Variants in LUZP2 observed in about 807,000 individuals in gnomAD.
LUZP2 encodes the protein leucine zipper protein 2.
Under a neutral mutation model 51.6 loss-of-function variants are expected in LUZP2, and 52 were observed. That is an observed-to-expected ratio of 1.01 (90% CI 0.81 to 1.27). The LOEUF is 1.27. Among genes scored for constraint, LUZP2 ranks in the 50% most tolerant of loss-of-function variants. LUZP2 has a pLI of 0.00. For missense variants in LUZP2, 436 were observed against 395.4 expected, an observed-to-expected ratio of 1.10 and a Z score of -0.87; for synonymous variants, 154 against 137.3, an observed-to-expected ratio of 1.12 and a Z score of -0.85.
intron 1 of LUZP2, among the ~76,000 whole-genome samples, chr11:24,524,916 C>A (rs1289292322): frequency 6.6e-6 from 1 of 151,504 alleles, no homozygotes; most frequent in Admixed American, 6.6e-5. Context: ...CTTAGTCAAC[C>A]CCTCTCTCAC....
At position 25,007,400 on chromosome 11, in the gene LUZP2, C is replaced by G. The variant is rs562133381; in HGVS notation, c.765+24107C>G. Among the ~76,000 whole-genome samples, 12 of 152,224 alleles carry G rather than the reference C, an allele frequency of 7.9e-5. No individual in the cohort carries two copies. In the South Asian group the frequency reaches 2.5e-3, roughly 32 times the overall value. On this transcript the variant is annotated intron_variant, in intron 9 of 11. Coordinates refer to ENST00000336930, the MANE Select transcript of LUZP2 (RefSeq NM_001009909.4). ...GGCAAATCACTTGAGGTCAGGAGTTCAAGACCAGCCTGGCTAACATGGTGA... is the reference window on the plus strand; with the variant it reads ...GGCAAATCACTTGAGGTCAGGAGTTGAAGACCAGCCTGGCTAACATGGTGA...
intron 1 of LUZP2, among the ~76,000 whole-genome samples, chr11:24,603,546 A>G (rs1477499271): frequency 6.6e-6 from 1 of 151,446 alleles, no homozygotes; most frequent in African/African-American, 2.4e-5. Context: ...TCATAACCAT[A>G]CTTTTCCAAA....
chr11:24,736,052 A>G (rs1239387908), intron 3 of LUZP2, among the ~76,000 whole-genome samples: 3 of 151,984 alleles, frequency 2.0e-5, no homozygotes, highest in Non-Finnish European at 4.4e-5. Context: ...TTTCTGCCTG[A>G]TAGTGTTCTT....
Position 24,960,727 on chromosome 11 carries a change from C to T in LUZP2, c.523-15864C>T, listed in dbSNP as rs541082144. Among the ~76,000 whole-genome samples, 321 of 151,938 alleles carry T rather than the reference C, an allele frequency of 2.1e-3. 1 individual carries two copies. Among genetic ancestry groups the T allele is most frequent in the African/African-American group, 6.2e-3 (258 of 41,458 alleles). ...TGGATTCATTAATTTTTTGAAGGGTCCTTTGTGTCTCTATTTCCTTCAGTT... is the reference window on the plus strand; with the variant it reads ...TGGATTCATTAATTTTTTGAAGGGTTCTTTGTGTCTCTATTTCCTTCAGTT... On this transcript the variant is annotated intron_variant, in intron 7 of 11. Transcript: ENST00000336930.
At chr11:24,690,436 G>A (rs1307917947) in intron 1 of LUZP2, among the ~76,000 whole-genome samples, 1 of 152,066 alleles carries the variant, frequency 6.6e-6, no homozygotes, top group Non-Finnish European at 1.5e-5. Flanking sequence ...GGATCCTCCT[G>A]TTGCACAAAC....
At chr11:24,520,055 C>G (rs994004310) in intron 1 of LUZP2, among the ~76,000 whole-genome samples, 2 of 152,044 alleles carry the variant, frequency 1.3e-5, no homozygotes, top group African/African-American at 4.8e-5. Context: ...AGCTACATAG[C>G]TATGTGATTT....
intron 9 of LUZP2, among the ~76,000 whole-genome samples, chr11:25,027,170 T>C (rs1198918881): frequency 6.6e-6 from 1 of 152,114 alleles, no homozygotes; most frequent in Non-Finnish European, 1.5e-5. Context: ...AATAAATCAT[T>C]GCTAAATTAG....
chr11:25,056,091 C>T (rs2134031525), intron 10 of LUZP2, among the ~76,000 whole-genome samples: 1 of 152,202 alleles, frequency 6.6e-6, no homozygotes, highest in East Asian at 1.9e-4. Flanking sequence ...GCAAAGCAAC[C>T]TTAAATACTG....
chr11:24,566,322 ATTTATTTT>A (rs1852214987), intron 1 of LUZP2, among the ~76,000 whole-genome samples: 1 of 3,650 alleles, frequency 2.7e-4, no homozygotes, highest in South Asian at 9.1e-3. Flanking sequence ...TGTATTATTT[ATTTATTTT>A]TTTTTTTTTT....
At chr11:24,871,522 G>A (rs1189038661) in intron 5 of LUZP2, among the ~76,000 whole-genome samples, 1 of 151,916 alleles carries the variant, frequency 6.6e-6, no homozygotes, top group Non-Finnish European at 1.5e-5. Context: ...ATTTAATTGT[G>A]AAAAAGGCTT....
At chr11:24,671,599 A>G (rs1400927158) in intron 1 of LUZP2, among the ~76,000 whole-genome samples, 4 of 150,850 alleles carry the variant, frequency 2.7e-5, no homozygotes, top group African/African-American at 9.8e-5. Flanking sequence ...CACTTTCACA[A>G]ATATTTCAGA....
At chr11:24,648,164 G>T (rs929791417) in intron 1 of LUZP2, among the ~76,000 whole-genome samples, 2 of 151,850 alleles carry the variant, frequency 1.3e-5, no homozygotes, top group Non-Finnish European at 2.9e-5. Context: ...TATTCCTAAA[G>T]CTTGTCTTGC....
chr11:24,937,406 A>T (rs767316975), intron 7 of LUZP2, among the ~76,000 whole-genome samples: 1 of 152,170 alleles, frequency 6.6e-6, no homozygotes. Context: ...TATGAATGAG[A>T]TGAAAAAAAC....
At chr11:25,037,260 A>G (rs1184190802) in intron 9 of LUZP2, among the ~76,000 whole-genome samples, 1 of 152,116 alleles carries the variant, frequency 6.6e-6, no homozygotes, top group African/African-American at 2.4e-5. Context: ...GTTTTATGTG[A>G]TATAAGAATA....
chr11:24,691,716 TAACAA>T (rs901755176), intron 1 of LUZP2, among the ~76,000 whole-genome samples: 5 of 152,066 alleles, frequency 3.3e-5, no homozygotes, highest in African/African-American at 1.2e-4. Flanking sequence ...GAAGGAGACT[TAACAA>T]GTTGTTATTT....
At chr11:24,826,349 G>A (rs2631508) in intron 5 of LUZP2, among the ~76,000 whole-genome samples, 20,321 of 150,618 alleles carry the variant, frequency 0.13, 1,456 homozygotes, top group Admixed American at 0.15. Context: ...GAGACTCAGG[G>A]GTGGTTTAAA....
rs1262230777 is a variant in LUZP2 at position 24,729,241 on chromosome 11, G to C, written c.135G>C (p.Leu45=). The C allele has an allele frequency of 9.5e-6, 15 of 1,576,748 alleles. No individual in the cohort carries two copies. Among genetic ancestry groups the C allele is most frequent in the Non-Finnish European group, 1.3e-5 (15 of 1,155,250 alleles). ...AGCGAAGCACCATTCTTCGTCAGCT[G>C]ACAAAGACATCAAGAGAACTTGATG... ...FKERSTILRQ[L]TKTSRELDGI... is the part of the protein sequence containing the mutation. Residue 45 remains leucine, a synonymous_variant, in exon 2 of 12, where the codon CTG becomes CTC. Coordinates refer to ENST00000336930, the MANE Select transcript of LUZP2 (RefSeq NM_001009909.4).
At chr11:24,880,738 A>ATGTGTG (rs149405346) in intron 5 of LUZP2, among the ~76,000 whole-genome samples, 1 of 150,390 alleles carries the variant, frequency 6.6e-6, no homozygotes, top group African/African-American at 2.4e-5. Context: ...ATGGTGAAGA[A>ATGTGTG]TGTGTGTGTG....
chr11:24,897,438 T>A (rs531737837), intron 5 of LUZP2, among the ~76,000 whole-genome samples: 1 of 152,298 alleles, frequency 6.6e-6, no homozygotes, highest in African/African-American at 2.4e-5. Flanking sequence ...ACAGCTTAAC[T>A]TCTGAGGCCA....
Sources: gnomAD v4.1 joint callset for allele counts (sites outside exome capture counted in the v4.1 genomes callset) on GRCh38, gnomAD v4.1.1 for gene constraint, MANE v1.5 for transcripts, NCBI Gene and HGNC (gene_info 2026-07-23, HGNC 2026-07-21) for gene names.